SLC10A1: variants seen among roughly 807,000 people sequenced by gnomAD.
The protein encoded by SLC10A1 is hepatic sodium/bile acid cotransporter.
In SLC10A1, 36 loss-of-function variants were observed where a neutral mutation model predicts 20.5. The ratio of observed to expected loss-of-function variants is 1.75; its 90% CI spans 1.34 to 2.32. The LOEUF is 2.32. SLC10A1 is among the 30% of genes most tolerant of loss of function. The probability of loss-of-function intolerance (pLI) is 0.00; values close to 1 mark genes in which losing one functional copy is unlikely to be tolerated. For missense variants in SLC10A1, 545 were observed against 439.1 expected (o/e 1.24, Z -2.16); for synonymous variants, 188 against 163.6 (o/e 1.15, Z -1.14).
intron 1 of SLC10A1, among the ~76,000 whole-genome samples, chr14:69,789,914 G>GT (rs61078487): frequency 0.059 from 8,413 of 142,776 alleles, 532 homozygotes; most frequent in African/African-American, 0.16. Flanking sequence ...CAAAAATAGG[G>GT]TTTTTTTTTT....
intron 1 of SLC10A1, among the ~76,000 whole-genome samples, chr14:69,791,374 C>T (rs991889883): frequency 6.6e-6 from 1 of 151,662 alleles, no homozygotes; most frequent in African/African-American, 2.4e-5. Flanking sequence ...GATCTTGGCT[C>T]ACTGCAAGCT....
At chr14:69,788,894 T>C (rs1883783735) in intron 1 of SLC10A1, among the ~76,000 whole-genome samples, 1 of 152,128 alleles carries the variant, frequency 6.6e-6, no homozygotes, top group Non-Finnish European at 1.5e-5. Flanking sequence ...AAGTAAAAAA[T>C]GGGCCAAGGA....
intron 1 of SLC10A1, among the ~76,000 whole-genome samples, chr14:69,791,215 A>G (rs1294091364): frequency 3.3e-5 from 5 of 152,190 alleles, no homozygotes; most frequent in Admixed American, 3.3e-4. Context: ...CATTTAATAA[A>G]ACTTCCAGAC....
chr14:69,786,708 A>G (rs774829363), intron 1 of SLC10A1, among the ~76,000 whole-genome samples: 5 of 152,234 alleles, frequency 3.3e-5, no homozygotes, highest in Admixed American at 1.3e-4. Context: ...TACTCTGGTC[A>G]TTAGCCCATT....
Position 69,775,536 on chromosome 14 carries a change from T to G in SLC10A1, c.*746A>C, listed in dbSNP as rs1244300911. 1.3e-5 allele frequency: 2 copies of G among 152,106 alleles called. No homozygotes were observed. The highest frequency in any genetic ancestry group is 1.3e-4 in the Admixed American group (2 of 15,270). 9.4% of individuals were successfully genotyped at this position (152,106 alleles called of 1,614,324 possible). ...TTTGGCAGTAGTTTGCTGTACCCAGTTTTGGGGGCGCCTTGTGTTAAAACC... is the reference window on the plus strand; with the variant it reads ...TTTGGCAGTAGTTTGCTGTACCCAGGTTTGGGGGCGCCTTGTGTTAAAACC... On this transcript the variant is annotated 3_prime_UTR_variant, in exon 5 of 5. Transcript: ENST00000216540.
At chr14:69,780,724 A>C (rs1465258546) in intron 2 of SLC10A1, among the ~76,000 whole-genome samples, 1 of 152,220 alleles carries the variant, frequency 6.6e-6, no homozygotes, top group African/African-American at 2.4e-5. Context: ...AAGGACTTTC[A>C]CACATCTCTT....
rs1201602069 is a variant in SLC10A1 at position 69,796,796 on chromosome 14, C to T, written c.356+4G>A. 6.2e-7 allele frequency: 1 copy of T among 1,610,514 alleles called. No homozygotes were observed. The highest frequency in any genetic ancestry group is 1.1e-5 in the South Asian group (1 of 90,564). On this transcript the variant is annotated splice_donor_region_variant and intron_variant, in intron 1 of 4. Transcript: ENST00000216540. ...GGCTGTTCCCTCCTCACCCCCAGGC[C>T]TACCTGAGGTTCATGTCCCCCTTCA... is the stretch of plus-strand genomic sequence containing the variant.
In SLC10A1 at chr14:69,775,937, T is replaced by A. The variant is rs141672491; in HGVS notation, c.*345A>T. ...GGATTTGGGTATTTGAGTAATGGGT[T>A]AAACATATATATTGATTAGTTCAGG... On this transcript the variant is annotated 3_prime_UTR_variant, in exon 5 of 5. Transcript: ENST00000216540. 154 of 199,546 alleles carry A rather than the reference T, an allele frequency of 7.7e-4. 1 individual carries two copies. The highest frequency in any genetic ancestry group is 3.2e-3 in the African/African-American group (137 of 42,960). The allele number at this position is 199,546 out of a possible 1,614,324, so 12.4% of individuals were successfully genotyped here.
At chr14:69,776,920 T>C (rs1451851285) in intron 4 of SLC10A1, among the ~76,000 whole-genome samples, 1 of 152,238 alleles carries the variant, frequency 6.6e-6, no homozygotes, top group Non-Finnish European at 1.5e-5. Context: ...ATGAAAAGTA[T>C]AAAAACTTGA....
At chr14:69,796,690 C>T in intron 1 of SLC10A1, 110 bp downstream of exon 1, 4 of 898,410 alleles carry the variant, frequency 4.5e-6, no homozygotes, top group African/African-American at 1.7e-5. Flanking sequence ...AGCCTCCACC[C>T]AGCCTGCATT....
intron 2 of SLC10A1, among the ~76,000 whole-genome samples, chr14:69,781,568 A>C (rs1883593005): frequency 6.6e-6 from 1 of 152,262 alleles, no homozygotes; most frequent in Non-Finnish European, 1.5e-5. Flanking sequence ...ACAAGTTGGC[A>C]GAAGTTGTAA....
rs201554362 is a variant in SLC10A1 at position 69,786,146 on chromosome 14, C to G, written c.518G>C (p.Gly173Ala). The change falls in exon 2 of 5, where the codon GGG (glycine) becomes GCG (alanine). Residue 173 changes from glycine (G) to alanine (A), a missense_variant. By Grantham distance (60) the Gly-to-Ala change is moderately conservative. Transcript: ENST00000216540. ...TGGCCGTTTGGATTTGAGGACGATC[C>G]CTATGGTGCAAGGAATGAGAACCAG... ...LVLVLIPCTI[G>A]IVLKSKRPQY... 4.3e-6 allele frequency: 7 copies of G among 1,613,936 alleles called. No individual in the cohort carries two copies. The Admixed American group carries it at 1.2e-4, about 27-fold the overall frequency.
intron 2 of SLC10A1, among the ~76,000 whole-genome samples, chr14:69,780,776 C>T (rs756297407): frequency 6.6e-6 from 1 of 152,196 alleles, no homozygotes; most frequent in Non-Finnish European, 1.5e-5. Context: ...GACTTATTAG[C>T]TAATGAACTT....
At chr14:69,788,819 T>G (rs1883781914) in intron 1 of SLC10A1, among the ~76,000 whole-genome samples, 1 of 152,188 alleles carries the variant, frequency 6.6e-6, no homozygotes, top group Non-Finnish European at 1.5e-5. Context: ...GTGCTGGGAT[T>G]ACAGGCGTGA....
chr14:69,791,644 C>T (rs966435654), intron 1 of SLC10A1, among the ~76,000 whole-genome samples: 4 of 152,050 alleles, frequency 2.6e-5, no homozygotes, highest in Non-Finnish European at 2.9e-5. Flanking sequence ...TTTCAGATAA[C>T]AAAACTTATA....
intron 2 of SLC10A1, among the ~76,000 whole-genome samples, chr14:69,782,672 G>A (rs1179279509): frequency 6.6e-6 from 1 of 152,148 alleles, no homozygotes; most frequent in Admixed American, 6.5e-5. Flanking sequence ...TCCGGGTATG[G>A]TGGCGGGCGC....
In SLC10A1 at chr14:69,778,421, AAAG is replaced by A. The variant is rs1883501843; in HGVS notation, c.852_854del (p.Phe285del). ...GCTGGAAAATCATGTAGAGGAGGGG[AAAG>A]AAGAAAAGTGGTCCAATGACTTCAG... is the stretch of plus-strand genomic sequence containing the variant. On this transcript the variant is annotated inframe_deletion, in exon 4 of 5. Transcript: ENST00000216540. 2 of 1,613,914 alleles carry A rather than the reference AAAG, an allele frequency of 1.2e-6. No homozygotes were observed. The highest frequency in any genetic ancestry group is 1.7e-6 in the Non-Finnish European group (2 of 1,179,976).
chr14:69,780,913 A>G (rs1029863040), intron 2 of SLC10A1, among the ~76,000 whole-genome samples: 1 of 152,238 alleles, frequency 6.6e-6, no homozygotes, highest in Non-Finnish European at 1.5e-5. Flanking sequence ...TGTAGGAGAC[A>G]TTGAGTTACA....
At chr14:69,778,559 C>T (rs1315706635) in intron 3 of SLC10A1, 30 bp from the exon 4 acceptor site, 2 of 1,557,456 alleles carry the variant, frequency 1.3e-6, no homozygotes, top group South Asian at 1.2e-5. Context: ...CCCACATACA[C>T]TCAGAGGGAA....
Sources: gnomAD v4.1 joint callset for allele counts (sites outside exome capture counted in the v4.1 genomes callset) on GRCh38, gnomAD v4.1.1 for gene constraint, MANE v1.5 for transcripts, NCBI Gene and HGNC (gene_info 2026-07-23, HGNC 2026-07-21) for gene names.